ZSCAN25: variants seen among roughly 807,000 people sequenced by gnomAD.
The protein encoded by ZSCAN25 is zinc finger and SCAN domain-containing protein 25.
ZSCAN25 carries 27 observed loss-of-function variants against 38.7 expected under a neutral mutation model. The observed-to-expected ratio is 0.70, with a 90% confidence interval of 0.51 to 0.96. The LOEUF is 0.96. ZSCAN25 is among the 40% of genes least tolerant of loss of function. The pLI, the probability that ZSCAN25 is intolerant of heterozygous loss-of-function variation, is 0.00. For missense variants in ZSCAN25, 637 were observed against 705.9 expected, an observed-to-expected ratio of 0.90 and a Z score of 1.11; for synonymous variants, 273 against 277.7, an observed-to-expected ratio of 0.98 and a Z score of 0.17.
At chr7:99,689,259 T>C in the ZSCAN25 span, among the ~76,000 whole-genome samples, 12 of 152,058 alleles carry the variant, frequency 7.9e-5, no homozygotes, top group East Asian at 2.3e-3. Context: ...ACAAAATTGA[T>C]AGAACGCTAG....
the ZSCAN25 span, among the ~76,000 whole-genome samples, chr7:99,657,031 G>C: frequency 6.6e-6 from 1 of 152,046 alleles, no homozygotes; most frequent in African/African-American, 2.4e-5. Flanking sequence ...CAAAAAACCA[G>C]CTCCTGGATT....
chr7:99,662,971 G>T, the ZSCAN25 span: 1 of 1,573,208 alleles, frequency 6.4e-7, no homozygotes. The surrounding 1 kb of genome is among the most constrained non-coding windows in gnomAD (Gnocchi z 4.3). Flanking sequence ...CTCCCTTCTT[G>T]ACTTCCCTCC....
Position 99,630,798 on chromosome 7 carries a change from T to C in ZSCAN25, c.*778T>C. 1 of 985,410 alleles carries C rather than the reference T, an allele frequency of 1.0e-6. No individual in the cohort carries two copies. The highest frequency in any genetic ancestry group is 1.2e-6 in the Non-Finnish European group (1 of 829,928). 61.0% of individuals were successfully genotyped at this position (985,410 alleles called of 1,614,324 possible). A position where few individuals can be genotyped will look rare whatever the true frequency, so the allele number is the denominator to read the frequency against. On this transcript the variant is annotated 3_prime_UTR_variant, in exon 8 of 8. Transcript: ENST00000394152. ...CTATAACAACTGTCAACACACCAAC[T>C]ATTAGGAAGTTAGTATTTTGCTATT... is the stretch of plus-strand genomic sequence containing the variant.
At chr7:99,665,843 C>CCA in the ZSCAN25 span, among the ~76,000 whole-genome samples, 1 of 152,178 alleles carries the variant, frequency 6.6e-6, no homozygotes, top group Non-Finnish European at 1.5e-5. Context: ...TGGAAAACCC[C>CCA]ACTATCCCCA....
intron 4 of ZSCAN25, 119 bp downstream of exon 4, chr7:99,620,112 T>G: frequency 7.3e-7 from 1 of 1,377,062 alleles, no homozygotes. Flanking sequence ...TCCTCTGCCC[T>G]CAGACTCCCT....
At chr7:99,713,632 G>GCC in the ZSCAN25 span, 1 of 1,535,204 alleles carries the variant, frequency 6.5e-7, no homozygotes, top group Non-Finnish European at 9.0e-7. Context: ...TGAGAATATA[G>GCC]CCCCTTGGAG....
At chr7:99,717,758 T>A in the ZSCAN25 span, 1 of 1,278,414 alleles carries the variant, frequency 7.8e-7, no homozygotes, top group Non-Finnish European at 1.1e-6. Context: ...GTCTACTAAG[T>A]GACAGGCCCT....
chr7:99,681,633 T>G, the ZSCAN25 span, among the ~76,000 whole-genome samples: 1 of 152,266 alleles, frequency 6.6e-6, no homozygotes, highest in South Asian at 2.1e-4. Flanking sequence ...TATTCAAATT[T>G]TGCCCATTTT....
chr7:99,713,521 G>C, the ZSCAN25 span: 5 of 1,613,408 alleles, frequency 3.1e-6, no homozygotes, highest in Non-Finnish European at 4.2e-6. Flanking sequence ...TCAGCTGAAG[G>C]AAATCCACTC....
chr7:99,684,620 G>C, the ZSCAN25 span, among the ~76,000 whole-genome samples: 1 of 152,146 alleles, frequency 6.6e-6, no homozygotes, highest in Admixed American at 6.5e-5. Flanking sequence ...TTACTTGTTG[G>C]TTCTCATTCA....
the ZSCAN25 span, among the ~76,000 whole-genome samples, chr7:99,693,462 G>A: frequency 6.6e-6 from 1 of 152,226 alleles, no homozygotes; most frequent in Non-Finnish European, 1.5e-5. Flanking sequence ...AGTCTGCAGA[G>A]GCTGTCTGTC....
chr7:99,694,082 G>T, the ZSCAN25 span, among the ~76,000 whole-genome samples: 3 of 152,170 alleles, frequency 2.0e-5, no homozygotes, highest in Non-Finnish European at 2.9e-5. Flanking sequence ...TGTAAACTAG[G>T]TAACTCCTTG....
chr7:99,703,576 A>G, the ZSCAN25 span, among the ~76,000 whole-genome samples: 5 of 152,222 alleles, frequency 3.3e-5, no homozygotes, highest in African/African-American at 1.2e-4. Flanking sequence ...CTAGAAGGGT[A>G]TGAATATACA....
chr7:99,675,262 A>G, the ZSCAN25 span, among the ~76,000 whole-genome samples: 6 of 152,244 alleles, frequency 3.9e-5, no homozygotes, highest in Admixed American at 3.3e-4. Context: ...AAACATAAAA[A>G]CAAACCTTCC....
In ZSCAN25 at chr7:99,622,657, T is replaced by C; in HGVS notation, c.681+17T>C. The C allele has an allele frequency of 6.2e-7, 1 of 1,611,670 alleles. No individual in the cohort carries two copies. Among genetic ancestry groups the C allele is most frequent in the South Asian group, 1.1e-5 (1 of 90,974 alleles). ...GGATCGCAGGTGAGCTCTGACTCCC[T>C]TTGCAGAAATCATGACCGTTGCTTT... On this transcript the variant is annotated intron_variant, in intron 6 of 7. Transcript: ENST00000394152.
In ZSCAN25 at chr7:99,624,047, A is replaced by G. The variant is rs780084826; in HGVS notation, c.682-10A>G. The G allele has an allele frequency of 6.8e-6, 11 of 1,613,958 alleles. No homozygotes were observed. Among genetic ancestry groups the G allele is most frequent in the East Asian group, 2.2e-5 (1 of 44,904 alleles). ...CTTTCTTTATTCATAGCAATCTCCT[A>G]TTGTTGCAGGGGTTGGGGCCATTTA... On this transcript the variant is annotated splice_polypyrimidine_tract_variant and intron_variant, in intron 6 of 7. Coordinates refer to ENST00000394152, the MANE Select transcript of ZSCAN25 (RefSeq NM_145115.3).
At chr7:99,680,816 C>T in the ZSCAN25 span, among the ~76,000 whole-genome samples, 1 of 152,162 alleles carries the variant, frequency 6.6e-6, no homozygotes, top group Non-Finnish European at 1.5e-5. Context: ...CATAAGGTAA[C>T]ATAACATGAA....
At chr7:99,632,989 G>GTTGTTTTTTTTTTTTTTTTTT (rs1554412109), downstream of ZSCAN25, among the ~76,000 whole-genome samples, 12 of 128,526 alleles carry the variant, frequency 9.3e-5, no homozygotes, top group African/African-American at 3.3e-4. Context: ...ATTTTCTGTT[G>GTTGTTTTTTTTTTTTTTTTTT]TTTTTTTTTT....
intron 7 of ZSCAN25, among the ~76,000 whole-genome samples, chr7:99,628,710 G>A (rs143227857): frequency 2.6e-5 from 4 of 152,354 alleles, no homozygotes; most frequent in African/African-American, 4.8e-5. Flanking sequence ...ACAGGGGACT[G>A]AGCAGGCACC....
Sources: gnomAD v4.1 joint callset for allele counts (sites outside exome capture counted in the v4.1 genomes callset) on GRCh38, gnomAD v4.1.1 for gene constraint, Gnocchi (gnomAD v3.1) non-coding constraint, MANE v1.5 for transcripts, NCBI Gene and HGNC (gene_info 2026-07-23, HGNC 2026-07-21) for gene names.